The following KIAA1671 variants were observed in gnomAD, a reference collection of about 807,000 sequenced individuals.
The protein encoded by KIAA1671 is KIAA1671.
Under a neutral mutation model 131.2 loss-of-function variants are expected in KIAA1671, and 52 were observed. The ratio of observed to expected loss-of-function variants is 0.40; its 90% CI spans 0.32 to 0.50. The LOEUF (loss-of-function observed/expected upper bound fraction) is 0.50. Among genes scored for constraint, KIAA1671 ranks in the 20% least tolerant of loss-of-function variants. KIAA1671 has a pLI of 0.73. For synonymous variants in KIAA1671, 1,003 were observed against 961.6 expected, an observed-to-expected ratio of 1.04 and a Z score of -0.80; for missense variants, 2,360 against 2,364.2, an observed-to-expected ratio of 1.00 and a Z score of 0.04.
At chr22:25,090,930 G>A (rs1416637864) in intron 6 of KIAA1671, among the ~76,000 whole-genome samples, 2 of 152,170 alleles carry the variant, frequency 1.3e-5, no homozygotes, top group Non-Finnish European at 2.9e-5. Context: ...GCTCCACAAG[G>A]GCAGGGATCC....
chr22:25,072,670 G>A (rs1194938962), intron 6 of KIAA1671, among the ~76,000 whole-genome samples: 1 of 152,202 alleles, frequency 6.6e-6, no homozygotes, highest in Non-Finnish European at 1.5e-5. Flanking sequence ...GCCTTGGGAA[G>A]TCCATTTCAG....
intron 6 of KIAA1671, among the ~76,000 whole-genome samples, chr22:25,094,514 C>G (rs914732205): frequency 6.6e-6 from 1 of 152,122 alleles, no homozygotes; most frequent in Non-Finnish European, 1.5e-5. Flanking sequence ...GAACACCCCT[C>G]AAGAGAACTT....
At chr22:25,178,749 G>GC (rs1195141414) in intron 9 of KIAA1671, among the ~76,000 whole-genome samples, 1 of 152,090 alleles carries the variant, frequency 6.6e-6, no homozygotes, top group East Asian at 1.9e-4. Flanking sequence ...GGACCCCTGT[G>GC]CAACCACATT....
intron 5 of KIAA1671, among the ~76,000 whole-genome samples, chr22:25,042,463 G>GTTTTTTTTTTTTTTTTTTTTTTTTTT (rs3063202): frequency 9.5e-6 from 1 of 104,892 alleles, no homozygotes; most frequent in Non-Finnish European, 1.8e-5. Context: ...GCAGTCCCTT[G>GTTTTTTTTTTTTTTTTTTTTTTTTTT]TTTTTTTTTT....
chr22:24,976,449 C>A (rs890122072), intron 1 of KIAA1671, among the ~76,000 whole-genome samples: 13 of 152,224 alleles, frequency 8.5e-5, no homozygotes, highest in African/African-American at 3.1e-4. Flanking sequence ...TCTCTGCCTA[C>A]CCCCACCCTT....
At chr22:25,018,309 C>T (rs1211112514) in intron 1 of KIAA1671, among the ~76,000 whole-genome samples, 3 of 152,114 alleles carry the variant, frequency 2.0e-5, no homozygotes, top group African/African-American at 7.2e-5. Flanking sequence ...GGCATGGGCC[C>T]CCCGACGTGG....
Position 24,960,654 on chromosome 22 carries a change from CTTTTTTT to C in KIAA1671, c.-208+7898_-208+7904del, listed in dbSNP as rs34901740. ...TGGACATTGAGTTGTTTTTCAGGTT[CTTTTTTT>C]TTTTTTTTTTTTTTTGCTATGACCG... On this transcript the variant is annotated intron_variant, in intron 1 of 12. Transcript: ENST00000358431. 1.7e-4 allele frequency among the ~76,000 whole-genome samples: 12 copies of C among 71,532 alleles called. No individual in the cohort carries two copies. The Admixed American group carries it at 2.6e-3, about 15-fold the overall frequency. 46.9% of individuals were successfully genotyped at this position (71,532 alleles called of 152,430 possible).
At position 25,177,367 on chromosome 22, in the gene KIAA1671, C is replaced by T. The variant is rs1934070270; in HGVS notation, c.4919C>T (p.Ser1640Leu). The change falls in exon 9 of 13, where the codon TCA (serine) becomes TTA (leucine). Residue 1640 changes from serine to leucine, a missense_variant. This residue lies in a region of KIAA1671 where 1,161 missense variants were observed against 1,204.7 expected (regional missense o/e 0.96). Coordinates refer to ENST00000358431, the MANE Select transcript of KIAA1671 (RefSeq NM_001145206.2). ...SFIDQTSVLD[S>L]SALKTRVQLS... The stretch of plus-strand genomic sequence containing the variant: ...CCAAAGCAAACCTCAGTCCTCGACT[C>T]AAGTGCCCTCAAGACCCGGGTGCAG... The T allele has an allele frequency of 6.4e-7, 1 of 1,551,434 alleles. No individual in the cohort carries two copies. Among genetic ancestry groups the T allele is most frequent in the African/African-American group, 1.4e-5 (1 of 73,166 alleles).
intron 1 of KIAA1671, among the ~76,000 whole-genome samples, chr22:24,967,820 G>C (rs559415588): frequency 1.3e-5 from 2 of 152,098 alleles, no homozygotes; most frequent in East Asian, 3.9e-4. Flanking sequence ...GTGAAACCCT[G>C]TCTCTACTAA....
Position 25,039,941 on chromosome 22 carries a change from C to T in KIAA1671, c.2811C>T (p.Ala937=), listed in dbSNP as rs550076670. Residue 937 remains alanine (A), a synonymous_variant, in exon 5 of 13, where the codon GCC becomes GCT. Coordinates refer to ENST00000358431, the MANE Select transcript of KIAA1671 (RefSeq NM_001145206.2). The stretch of plus-strand genomic sequence containing the variant: ...AGCCTGCAGTCAGAATGCGGAAAGC[C>T]GGCGCCATGGACCAGAGAATGGACA... ...VPQPAVRMRK[A]GAMDQRMDRW... 305 of 1,551,386 alleles carry T rather than the reference C, an allele frequency of 2.0e-4. 1 individual carries two copies. The South Asian group carries it at 3.3e-3, about 17-fold the overall frequency.
At chr22:25,119,730 A>G (rs534818118) in intron 6 of KIAA1671, among the ~76,000 whole-genome samples, 27 of 152,306 alleles carry the variant, frequency 1.8e-4, no homozygotes, top group Admixed American at 1.2e-3. Context: ...TGCATGAGTG[A>G]GGGGATGAGC....
intron 6 of KIAA1671, among the ~76,000 whole-genome samples, chr22:25,104,199 G>A (rs757641051): frequency 1.8e-4 from 27 of 151,434 alleles, no homozygotes; most frequent in Non-Finnish European, 5.9e-5. Flanking sequence ...GGCTGGTCTC[G>A]AACTCCTGAC....
At chr22:25,008,297 G>A (rs1387503250) in intron 1 of KIAA1671, among the ~76,000 whole-genome samples, 1 of 151,634 alleles carries the variant, frequency 6.6e-6, no homozygotes, top group Non-Finnish European at 1.5e-5. Flanking sequence ...TCCCAGGCCA[G>A]GCCAAGCCCC....
chr22:25,139,847 G>A (rs1439188410), intron 6 of KIAA1671, among the ~76,000 whole-genome samples: 1 of 152,216 alleles, frequency 6.6e-6, no homozygotes, highest in Non-Finnish European at 1.5e-5. Context: ...CATGCCAGAA[G>A]TGGGAACAGC....
rs1463536772 is a variant in KIAA1671 at position 25,193,510 on chromosome 22, T to G, written c.*1109T>G. On this transcript the variant is annotated 3_prime_UTR_variant, in exon 13 of 13. Coordinates refer to ENST00000358431, the MANE Select transcript of KIAA1671 (RefSeq NM_001145206.2). ...TTTGCTTTTGCTCACCTCATTTTCC[T>G]TCATCTTTCTTGATGAATCCATTAT... The G allele has an allele frequency of 6.6e-6, 1 of 152,256 alleles. No individual in the cohort carries two copies. Among genetic ancestry groups the G allele is most frequent in the African/African-American group, 2.4e-5 (1 of 41,464 alleles). 9.4% of individuals were successfully genotyped at this position (152,256 alleles called of 1,614,324 possible).
chr22:25,011,184 C>T (rs1410785197), intron 1 of KIAA1671: 1 of 151,956 alleles, frequency 6.6e-6, no homozygotes, highest in Non-Finnish European at 1.5e-5. Flanking sequence ...ACTCTGTCGC[C>T]TAGACTGGGA....
chr22:25,192,699 T>A lies in KIAA1671; in HGVS notation c.*298T>A, dbSNP rs1452084056. On this transcript the variant is annotated 3_prime_UTR_variant, in exon 13 of 13. Transcript: ENST00000358431. The stretch of plus-strand genomic sequence containing the variant: ...TGGTTTTGCTTTTTATGTAAAAATT[T>A]GCATTTCTACCTATTTTAGACACCT... The A allele has an allele frequency of 6.6e-6, 1 of 152,244 alleles. No individual in the cohort carries two copies. The highest frequency in any genetic ancestry group is 2.4e-5 in the African/African-American group (1 of 41,460). The allele number at this position is 152,244 out of a possible 1,614,324, so 9.4% of individuals were successfully genotyped here.
At chr22:25,060,983 G>C (rs1307451807) in intron 6 of KIAA1671, 1 of 152,162 alleles carries the variant, frequency 6.6e-6, no homozygotes, top group Non-Finnish European at 1.5e-5. Context: ...TGGGCCCCAT[G>C]TCAGTTTCTA....
At chr22:25,115,874 T>C (rs1931627697) in intron 6 of KIAA1671, among the ~76,000 whole-genome samples, 1 of 152,144 alleles carries the variant, frequency 6.6e-6, no homozygotes, top group South Asian at 2.1e-4. Context: ...CCTCCCAGGT[T>C]CAAGTGATTC....
Sources: allele counts gnomAD v4.1 joint callset (sites outside exome capture counted in the v4.1 genomes callset), GRCh38; gene constraint gnomAD v4.1.1; regional missense constraint gnomAD v4.1.1; transcripts MANE v1.5; gene names NCBI Gene and HGNC (gene_info 2026-07-23, HGNC 2026-07-21).